The following OCIAD2 variants were observed in gnomAD, a reference collection of about 807,000 sequenced individuals.
The protein encoded by OCIAD2 is OCIA domain containing 2, also known as OCIA domain-containing protein 2.
Under a neutral mutation model 22.9 loss-of-function variants are expected in OCIAD2, and 29 were observed. The ratio of observed to expected loss-of-function variants is 1.27; its 90% CI spans 0.94 to 1.73. OCIAD2 has a LOEUF of 1.73. OCIAD2 is among the 40% of genes most tolerant of loss of function. OCIAD2 has a pLI of 0.00. For missense variants in OCIAD2, 189 were observed against 180.3 expected (o/e 1.05, Z -0.28); for synonymous variants, 67 against 60.2 (o/e 1.11, Z -0.52).
intron 4 of OCIAD2, among the ~76,000 whole-genome samples, chr4:48,894,528 C>T (rs1222027814): frequency 4.6e-5 from 7 of 152,016 alleles, no homozygotes; most frequent in Non-Finnish European, 1.0e-4. Flanking sequence ...TGATTCAATT[C>T]TCAGTTGAAT....
At chr4:48,900,190 G>C (rs946464012) in intron 2 of OCIAD2, among the ~76,000 whole-genome samples, 1 of 140,964 alleles carries the variant, frequency 7.1e-6, no homozygotes, top group Admixed American at 7.0e-5. Context: ...GCAGATTTGC[G>C]ATCAGGCTGA....
chr4:48,899,766 C>T lies in OCIAD2; in HGVS notation c.163+63G>A, dbSNP rs1781376038. ...GTCTCTGCTCAAACGTAAGTCATTA[C>T]CACAATTCTAATATGATATTTAGGC... On this transcript the variant is annotated intron_variant, in intron 3 of 6. Coordinates refer to ENST00000508632, the MANE Select transcript of OCIAD2 (RefSeq NM_001014446.3). The T allele has an allele frequency of 3.5e-6, 4 of 1,136,488 alleles. No individual in the cohort carries two copies. The Admixed American group carries it at 7.5e-5, about 21-fold the overall frequency. The allele number at this position is 1,136,488 out of a possible 1,614,324, so 70.4% of individuals were successfully genotyped here.
chr4:48,904,826 C>T (rs1347336834), intron 1 of OCIAD2, among the ~76,000 whole-genome samples: 1 of 152,176 alleles, frequency 6.6e-6, no homozygotes, highest in Non-Finnish European at 1.5e-5. Context: ...AGTGGAAATA[C>T]CACACTGTGC....
At chr4:48,887,366 C>A (rs1221131870) in intron 6 of OCIAD2, among the ~76,000 whole-genome samples, 2 of 152,144 alleles carry the variant, frequency 1.3e-5, no homozygotes, top group Non-Finnish European at 2.9e-5. Flanking sequence ...TCAACTTTGG[C>A]TTTTGTTGCC....
At chr4:48,901,921 A>AT (rs752963991) in intron 2 of OCIAD2, among the ~76,000 whole-genome samples, 1 of 151,496 alleles carries the variant, frequency 6.6e-6, no homozygotes, top group Non-Finnish European at 1.5e-5. Flanking sequence ...TGAAAAAACC[A>AT]TTTTTTTAAT....
At position 48,899,582 on chromosome 4, in the gene OCIAD2, T is replaced by C. The variant is rs549998785; in HGVS notation, c.163+247A>G. ...GTCTTGGTACACGTTCTTGGTCACA[T>C]ATTCTTGGTAAAGGGAAGAGTTAAG... On this transcript the variant is annotated intron_variant, in intron 3 of 6. Transcript: ENST00000508632. Among the ~76,000 whole-genome samples, 311 of 152,316 alleles carry C rather than the reference T, an allele frequency of 2.0e-3. 1 individual carries two copies. The Middle Eastern group carries it at 0.024, about 12-fold the overall frequency.
intron 6 of OCIAD2, among the ~76,000 whole-genome samples, chr4:48,886,743 G>A (rs541213059): frequency 6.6e-5 from 10 of 152,170 alleles, no homozygotes; most frequent in Admixed American, 2.6e-4. Flanking sequence ...GTCTATCATT[G>A]TTGGACATTG....
chr4:48,892,907 G>C lies in OCIAD2; in HGVS notation c.266-18C>G. On this transcript the variant is annotated intron_variant, in intron 5 of 6. Coordinates refer to ENST00000508632, the MANE Select transcript of OCIAD2 (RefSeq NM_001014446.3). ...ACCAGCAACTGTAAAAGCAGGTTGG[G>C]AGAGATTAGTTGAGAATCTTCTCCA... The C allele has an allele frequency of 7.5e-7, 1 of 1,336,234 alleles. No homozygotes were observed. Among genetic ancestry groups the C allele is most frequent in the Non-Finnish European group, 1.1e-6 (1 of 944,690 alleles). The allele number at this position is 1,336,234 out of a possible 1,614,324, so 82.8% of individuals were successfully genotyped here. A position where few individuals can be genotyped will look rare whatever the true frequency, so the allele number is the denominator to read the frequency against.
chr4:48,894,492 C>CTA (rs1560458903), intron 4 of OCIAD2, among the ~76,000 whole-genome samples: 2 of 149,302 alleles, frequency 1.3e-5, no homozygotes, highest in South Asian at 2.1e-4. Flanking sequence ...GACTCCATCT[C>CTA]AAAAAAAAAG....
chr4:48,896,547 A>C (rs1399861849), intron 4 of OCIAD2, among the ~76,000 whole-genome samples: 1 of 152,124 alleles, frequency 6.6e-6, no homozygotes, highest in Non-Finnish European at 1.5e-5. Flanking sequence ...GAGCCATTAT[A>C]TCACTGCACT....
At chr4:48,893,947 G>T in intron 5 of OCIAD2, 59 bp downstream of exon 5, 1 of 1,108,882 alleles carries the variant, frequency 9.0e-7, no homozygotes, top group South Asian at 2.0e-5. Context: ...CTCCCAAAGT[G>T]CTGGGATTAC....
At chr4:48,893,000 C>T in intron 5 of OCIAD2, 111 bp from the exon 6 acceptor site, 1 of 629,414 alleles carries the variant, frequency 1.6e-6, no homozygotes, top group Non-Finnish European at 2.9e-6. Flanking sequence ...CACGCTAAAT[C>T]AATGAATGAA....
intron 2 of OCIAD2, 50 bp from the exon 3 acceptor site, chr4:48,899,975 C>A (rs774407631): frequency 1.4e-5 from 20 of 1,380,928 alleles, no homozygotes; most frequent in Non-Finnish European, 1.4e-5. Context: ...GAAAAATCAC[C>A]CACTTTGTTT....
At chr4:48,889,877 C>T (rs370548141) in intron 6 of OCIAD2, among the ~76,000 whole-genome samples, 1 of 152,120 alleles carries the variant, frequency 6.6e-6, no homozygotes, top group Non-Finnish European at 1.5e-5. Context: ...CAATGATAGA[C>T]TGGATTAAGA....
chr4:48,895,526 A>C (rs1207404075), intron 4 of OCIAD2, among the ~76,000 whole-genome samples: 1 of 152,194 alleles, frequency 6.6e-6, no homozygotes, highest in Non-Finnish European at 1.5e-5. Flanking sequence ...GAGAGGCTGA[A>C]CACATCCTTT....
intron 6 of OCIAD2, among the ~76,000 whole-genome samples, chr4:48,889,233 T>C (rs747394878): frequency 8.5e-5 from 13 of 152,232 alleles, no homozygotes; most frequent in Non-Finnish European, 1.2e-4. Flanking sequence ...CTCTCTTTTC[T>C]TCTTTATTAG....
intron 6 of OCIAD2, among the ~76,000 whole-genome samples, chr4:48,891,911 G>A (rs771368562): frequency 5.3e-5 from 8 of 152,214 alleles, no homozygotes; most frequent in Non-Finnish European, 1.0e-4. Context: ...GAAGGTCTCT[G>A]CAGCTCTTTG....
intron 6 of OCIAD2, 36 bp from the exon 7 acceptor site, chr4:48,885,601 T>G (rs779961503): frequency 9.2e-7 from 1 of 1,081,156 alleles, no homozygotes; most frequent in Non-Finnish European, 1.4e-6. Context: ...CGGTTTGTAC[T>G]TTGACACTGG....
At chr4:48,902,763 G>C (rs6853273) in intron 2 of OCIAD2, among the ~76,000 whole-genome samples, 1 of 152,110 alleles carries the variant, frequency 6.6e-6, no homozygotes, top group African/African-American at 2.4e-5. Flanking sequence ...GACCAGCCTC[G>C]CCAACATGGT....
Sources: allele counts gnomAD v4.1 joint callset (sites outside exome capture counted in the v4.1 genomes callset), GRCh38; gene constraint gnomAD v4.1.1; transcripts MANE v1.5; gene names NCBI Gene and HGNC (gene_info 2026-07-23, HGNC 2026-07-21).